Variants in HS3ST4 observed in about 807,000 individuals in gnomAD.
HS3ST4 encodes heparan sulfate-glucosamine 3-sulfotransferase 4, also known as heparan sulfate glucosamine 3-O-sulfotransferase 4.
HS3ST4 carries 17 observed loss-of-function variants against 29.2 expected under a neutral mutation model. That is an observed-to-expected ratio of 0.58 (90% confidence interval 0.40 to 0.87). The LOEUF is 0.87. Among genes scored for constraint, HS3ST4 ranks in the 40% least tolerant of loss-of-function variants. HS3ST4 has a pLI of 0.00. For synonymous variants in HS3ST4, 314 were observed against 285.7 expected (o/e 1.10, Z -1.00); for missense variants, 627 against 634.5 (o/e 0.99, Z 0.13).
intron 1 of HS3ST4, among the ~76,000 whole-genome samples, chr16:26,133,266 A>G (rs933613849): frequency 1.3e-5 from 2 of 152,310 alleles, no homozygotes; most frequent in African/African-American, 4.8e-5. Flanking sequence ...ATGACATTTA[A>G]TCTTCATTAA....
At chr16:25,782,868 T>A (rs1013935441) in intron 1 of HS3ST4, among the ~76,000 whole-genome samples, 11 of 152,328 alleles carry the variant, frequency 7.2e-5, no homozygotes, top group South Asian at 6.2e-4. Context: ...GAAATGCCCG[T>A]CTTATTGGCT....
intron 1 of HS3ST4, among the ~76,000 whole-genome samples, chr16:26,034,670 G>A (rs893732085): frequency 3.3e-4 from 36 of 110,584 alleles, no homozygotes; most frequent in African/African-American, 2.0e-3. Flanking sequence ...AGCAGGGGCG[G>A]GGGGGGGTCT....
chr16:25,707,861 G>A (rs998005774), intron 1 of HS3ST4, among the ~76,000 whole-genome samples: 4 of 152,118 alleles, frequency 2.6e-5, no homozygotes, highest in African/African-American at 4.8e-5. Context: ...CCCTTCATTC[G>A]GGTCTCTGCT....
At chr16:26,100,759 C>CA (rs1216423632) in intron 1 of HS3ST4, among the ~76,000 whole-genome samples, 19 of 152,198 alleles carry the variant, frequency 1.2e-4, no homozygotes, top group African/African-American at 4.3e-4. Context: ...CTTGAACTAC[C>CA]ACCTGGCATC....
chr16:25,878,299 G>A (rs9923580), intron 1 of HS3ST4, among the ~76,000 whole-genome samples: 85,691 of 151,876 alleles, frequency 0.56, 24,943 homozygotes, highest in Non-Finnish European at 0.63. Context: ...CGATCTTCCA[G>A]GTCTTCCAGT....
At chr16:26,123,112 T>A (rs1899298743) in intron 1 of HS3ST4, among the ~76,000 whole-genome samples, 1 of 151,142 alleles carries the variant, frequency 6.6e-6, no homozygotes, top group African/African-American at 2.4e-5. Context: ...ACAGAGCAGA[T>A]GGGGCTGTTT....
chr16:26,103,829 A>G (rs751079116), intron 1 of HS3ST4, among the ~76,000 whole-genome samples: 3 of 152,204 alleles, frequency 2.0e-5, no homozygotes, highest in Non-Finnish European at 4.4e-5. Context: ...GGTTTTTATC[A>G]ATGTCACTAA....
At chr16:25,723,397 A>G (rs1190008359) in intron 1 of HS3ST4, among the ~76,000 whole-genome samples, 2 of 152,314 alleles carry the variant, frequency 1.3e-5, no homozygotes, top group East Asian at 3.9e-4. Context: ...TCAAATCTTC[A>G]TTGGATTTCA....
chr16:25,956,326 T>C (rs1361376582), intron 1 of HS3ST4, among the ~76,000 whole-genome samples: 1 of 152,198 alleles, frequency 6.6e-6, no homozygotes. Context: ...TTCAAGGCTA[T>C]AGCAGCCCAT....
chr16:25,745,735 C>T (rs74940200), intron 1 of HS3ST4, among the ~76,000 whole-genome samples: 1 of 152,252 alleles, frequency 6.6e-6, no homozygotes, highest in East Asian at 1.9e-4. Flanking sequence ...TTTATCTTGT[C>T]TAGAGTTTTA....
At chr16:25,794,888 C>G (rs1232707472) in intron 1 of HS3ST4, among the ~76,000 whole-genome samples, 1 of 138,058 alleles carries the variant, frequency 7.2e-6, no homozygotes, top group Non-Finnish European at 1.5e-5. Context: ...TAAACCTTTA[C>G]TCAAGAATAC....
At chr16:25,963,807 G>A (rs1162867527) in intron 1 of HS3ST4, among the ~76,000 whole-genome samples, 1 of 152,198 alleles carries the variant, frequency 6.6e-6, no homozygotes, top group East Asian at 1.9e-4. Context: ...AGGAGATGTG[G>A]TGTCCATTGT....
intron 1 of HS3ST4, among the ~76,000 whole-genome samples, chr16:26,082,636 T>C (rs1898737431): frequency 6.6e-6 from 1 of 152,230 alleles, no homozygotes; most frequent in East Asian, 1.9e-4. Context: ...GTCATGTGAC[T>C]TGTTTAAATC....
At chr16:25,755,586 T>G (rs1304011022) in intron 1 of HS3ST4, among the ~76,000 whole-genome samples, 2 of 152,212 alleles carry the variant, frequency 1.3e-5, no homozygotes, top group African/African-American at 4.8e-5. Context: ...TGTAGCCTTT[T>G]GGCTTGCAGG....
At chr16:25,814,528 G>A (rs1363117616) in intron 1 of HS3ST4, among the ~76,000 whole-genome samples, 2 of 152,136 alleles carry the variant, frequency 1.3e-5, no homozygotes, top group Non-Finnish European at 2.9e-5. Context: ...TCTATCTTTA[G>A]TAGAGACGGA....
chr16:25,882,493 C>T (rs539307810), intron 1 of HS3ST4, among the ~76,000 whole-genome samples: 4 of 152,176 alleles, frequency 2.6e-5, no homozygotes, highest in East Asian at 3.9e-4. Flanking sequence ...ATTAGTTTGC[C>T]GATGGTGGAT....
intron 1 of HS3ST4, among the ~76,000 whole-genome samples, chr16:25,907,657 C>G (rs1227274281): frequency 6.6e-6 from 1 of 152,100 alleles, no homozygotes; most frequent in Non-Finnish European, 1.5e-5. Context: ...CAATATTTAC[C>G]CTGCTCAAAG....
At chr16:26,031,274 G>C (rs974719801) in intron 1 of HS3ST4, among the ~76,000 whole-genome samples, 1 of 152,114 alleles carries the variant, frequency 6.6e-6, no homozygotes. Context: ...TCCCCGCCCC[G>C]GGAAGAACCA....
chr16:26,016,640 CA>C (rs1386847012), intron 1 of HS3ST4, among the ~76,000 whole-genome samples: 1 of 152,102 alleles, frequency 6.6e-6, no homozygotes, highest in Non-Finnish European at 1.5e-5. Flanking sequence ...CTGTTTATGG[CA>C]GGGGTACCAG....
Sources: gnomAD v4.1 joint callset for allele counts (sites outside exome capture counted in the v4.1 genomes callset) on GRCh38, gnomAD v4.1.1 for gene constraint, MANE v1.5 for transcripts, NCBI Gene and HGNC (gene_info 2026-07-23, HGNC 2026-07-21) for gene names.